BIRC6: variants seen among roughly 807,000 people sequenced by gnomAD.
The protein encoded by BIRC6 is baculoviral IAP repeat containing 6, also known as dual E2 ubiquitin-conjugating enzyme/E3 ubiquitin-protein ligase BIRC6.
A neutral mutation model predicts 503.3 loss-of-function variants in BIRC6; 98 were observed. That is an observed-to-expected ratio of 0.19 (90% CI 0.17 to 0.23). The LOEUF (loss-of-function observed/expected upper bound fraction) is 0.23. Ranked by LOEUF, BIRC6 falls within the 10% of genes least tolerant of loss-of-function variation. The pLI, the probability that BIRC6 is intolerant of heterozygous loss-of-function variation, is 1.00. For synonymous variants in BIRC6, 2,240 were observed against 2,078.7 expected, an observed-to-expected ratio of 1.08 and a Z score of -2.11; for missense variants, 5,360 against 5,806.0, an observed-to-expected ratio of 0.92 and a Z score of 2.50.
intron 59 of BIRC6, 190 bp from the exon 60 acceptor site, chr2:32,529,461 G>A (rs1056715312): frequency 2.0e-6 from 1 of 497,732 alleles, no homozygotes; most frequent in Non-Finnish European, 3.4e-6. Flanking sequence ...AGACATTATT[G>A]TTCATTATTA....
chr2:32,477,050 T>G (rs1389161540), intron 34 of BIRC6, among the ~76,000 whole-genome samples: 1 of 152,224 alleles, frequency 6.6e-6, no homozygotes, highest in Non-Finnish European at 1.5e-5. Context: ...TTTTACAAAT[T>G]ATGTTTAGGA....
intron 65 of BIRC6, among the ~76,000 whole-genome samples, chr2:32,567,150 A>G (rs1019757435): frequency 6.6e-6 from 1 of 151,508 alleles, no homozygotes; most frequent in African/African-American, 2.4e-5. Context: ...TTGTATTTTT[A>G]GTAGAGACTG....
At chr2:32,417,894 C>A (rs2042549732) in intron 10 of BIRC6, among the ~76,000 whole-genome samples, 1 of 152,194 alleles carries the variant, frequency 6.6e-6, no homozygotes, top group Admixed American at 6.5e-5. Context: ...ATTCTCCGGC[C>A]TTAGCCTCCT....
Position 32,443,732 on chromosome 2 carries a change from A to G in BIRC6, c.4336+144A>G, listed in dbSNP as rs2045664667. On this transcript the variant is annotated intron_variant, in intron 20 of 73. Transcript: ENST00000421745. The stretch of plus-strand genomic sequence containing the variant: ...CTGTATTTTTTGAAGGGATCGATAG[A>G]TTGTAGCTGGGTGGTCATATACTCC... 4.6e-6 allele frequency: 3 copies of G among 658,290 alleles called. No individual in the cohort carries two copies. In the East Asian group the frequency reaches 8.7e-5, roughly 19 times the overall value. The allele number at this position is 658,290 out of a possible 1,614,324, so 40.8% of individuals were successfully genotyped here. A position where few individuals can be genotyped will look rare whatever the true frequency, so the allele number is the denominator to read the frequency against.
intron 4 of BIRC6, among the ~76,000 whole-genome samples, chr2:32,390,820 C>T (rs537659306): frequency 9.2e-5 from 14 of 152,266 alleles, no homozygotes; most frequent in African/African-American, 3.4e-4. Context: ...CTGATTTCTG[C>T]GTAATCACTT....
intron 9 of BIRC6, 66 bp from the exon 10 acceptor site, chr2:32,414,703 G>C: frequency 9.1e-7 from 1 of 1,094,428 alleles, no homozygotes; most frequent in Non-Finnish European, 1.3e-6. Flanking sequence ...AATTTTACTT[G>C]TGTATTCATA....
intron 66 of BIRC6, among the ~76,000 whole-genome samples, chr2:32,579,646 A>C (rs1387152158): frequency 6.6e-6 from 1 of 152,136 alleles, no homozygotes; most frequent in East Asian, 1.9e-4. Context: ...CTATGATTTT[A>C]CCACTGCATT....
chr2:32,598,284 A>G (rs2061806311), intron 69 of BIRC6, among the ~76,000 whole-genome samples: 1 of 152,114 alleles, frequency 6.6e-6, no homozygotes, highest in South Asian at 2.1e-4. Context: ...AAACATTTAG[A>G]AAATATCAAA....
intron 9 of BIRC6, among the ~76,000 whole-genome samples, chr2:32,414,031 C>T (rs966544531): frequency 1.3e-5 from 2 of 152,138 alleles, no homozygotes; most frequent in Admixed American, 6.5e-5. Flanking sequence ...GTGGCTCATG[C>T]CTGTAATCCC....
chr2:32,383,481 A>G (rs1004285485), intron 3 of BIRC6, among the ~76,000 whole-genome samples: 8 of 152,184 alleles, frequency 5.3e-5, no homozygotes, highest in African/African-American at 1.7e-4. Context: ...CTTTACGTAC[A>G]TGAACGACCC....
At chr2:32,456,056 G>A (rs928643806) in intron 23 of BIRC6, among the ~76,000 whole-genome samples, 5 of 152,186 alleles carry the variant, frequency 3.3e-5, no homozygotes, top group African/African-American at 1.2e-4. Flanking sequence ...CATTGTCTGT[G>A]TGATGACCAA....
chr2:32,506,068 C>T (rs2053767947), intron 50 of BIRC6, among the ~76,000 whole-genome samples: 1 of 151,994 alleles, frequency 6.6e-6, no homozygotes, highest in Non-Finnish European at 1.5e-5. Flanking sequence ...AGGCTACTTT[C>T]AAACTCCTGG....
intron 15 of BIRC6, among the ~76,000 whole-genome samples, chr2:32,438,451 TGTA>T (rs1186609912): frequency 6.6e-6 from 1 of 152,126 alleles, no homozygotes; most frequent in African/African-American, 2.4e-5. Context: ...TGCTGGCAGA[TGTA>T]GTAATTTAAT....
chr2:32,608,320 G>C (rs2062612924), intron 72 of BIRC6, among the ~76,000 whole-genome samples: 2 of 151,846 alleles, frequency 1.3e-5, no homozygotes, highest in South Asian at 4.2e-4. Context: ...TACAGATGAA[G>C]TATAAAACTA....
rs774899101 is a variant in BIRC6 at position 32,617,717 on chromosome 2, C to T, written c.14395-8C>T. 1.9e-6 allele frequency: 3 copies of T among 1,611,784 alleles called. No homozygotes were observed. Among genetic ancestry groups the T allele is most frequent in the African/African-American group, 1.3e-5 (1 of 74,872 alleles). ...CAGTTCTAACATTAGTCCTTTTCTC[C>T]TGCATAGCGTCACACTGCTCAGCTC... is the stretch of plus-strand genomic sequence containing the variant. On this transcript the variant is annotated splice_region_variant and splice_polypyrimidine_tract_variant and intron_variant, in intron 73 of 73. Transcript: ENST00000421745.
At chr2:32,597,537 G>A (rs2061752629) in intron 68 of BIRC6, among the ~76,000 whole-genome samples, 1 of 152,102 alleles carries the variant, frequency 6.6e-6, no homozygotes, top group African/African-American at 2.4e-5. Flanking sequence ...TATCCCTATA[G>A]CATGTGAAAG....
At chr2:32,540,477 T>C (rs1480823969) in intron 61 of BIRC6, among the ~76,000 whole-genome samples, 2 of 152,042 alleles carry the variant, frequency 1.3e-5, no homozygotes, top group African/African-American at 2.4e-5. Context: ...TGAGCTGTTT[T>C]ATCCTAGTAT....
rs2042560625 is a variant in BIRC6, at chr2:32,417,964, G to C, written c.2872+1801G>C. Reference sequence around the variant, plus strand: ...TTGGCTAATTTTTGTATTTTTAGTAGTGACGAGGTTTCACTATGTTGGCTA... The same window carrying C: ...TTGGCTAATTTTTGTATTTTTAGTACTGACGAGGTTTCACTATGTTGGCTA... On this transcript the variant is annotated intron_variant, in intron 10 of 73. Transcript: ENST00000421745. Among the ~76,000 whole-genome samples, 4 of 152,076 alleles carry C rather than the reference G, an allele frequency of 2.6e-5. No individual in the cohort carries two copies. The South Asian group carries it at 8.3e-4, about 31-fold the overall frequency.
At chr2:32,394,606 A>C (rs1461489433) in intron 5 of BIRC6, among the ~76,000 whole-genome samples, 1 of 152,086 alleles carries the variant, frequency 6.6e-6, no homozygotes, top group Admixed American at 6.5e-5. Context: ...CCAAGGCAGG[A>C]GGATCGCTTA....
Sources: gnomAD v4.1 joint callset for allele counts (sites outside exome capture counted in the v4.1 genomes callset) on GRCh38, gnomAD v4.1.1 for gene constraint, MANE v1.5 for transcripts, NCBI Gene and HGNC (gene_info 2026-07-23, HGNC 2026-07-21) for gene names.